INSC: variants seen among roughly 807,000 people sequenced by gnomAD.
INSC encodes protein inscuteable homolog.
INSC carries 67 observed loss-of-function variants against 58.6 expected under a neutral mutation model. The ratio of observed to expected loss-of-function variants is 1.14; its 90% CI spans 0.94 to 1.40. The LOEUF (loss-of-function observed/expected upper bound fraction) is 1.40, where lower values mean the gene tolerates loss of function less well. INSC is among the 40% of genes most tolerant of loss of function. The pLI is 0.00. For missense variants in INSC, 714 were observed against 692.0 expected (o/e 1.03, Z -0.36); for synonymous variants, 262 against 276.1 (o/e 0.95, Z 0.51).
chr11:15,144,226 G>C (rs1222709139), intron 1 of INSC, among the ~76,000 whole-genome samples: 1 of 152,140 alleles, frequency 6.6e-6, no homozygotes, highest in African/African-American at 2.4e-5. Flanking sequence ...TATGTTAGAG[G>C]CCAGAAAGAA....
intron 5 of INSC, among the ~76,000 whole-genome samples, chr11:15,180,867 T>C (rs1590408908): frequency 6.6e-6 from 1 of 152,240 alleles, no homozygotes; most frequent in Admixed American, 6.5e-5. Context: ...TTTTGGCTGA[T>C]CTTTGGCTTC....
At chr11:15,216,674 G>A (rs776005027) in intron 7 of INSC, among the ~76,000 whole-genome samples, 5 of 152,214 alleles carry the variant, frequency 3.3e-5, no homozygotes, top group African/African-American at 4.8e-5. Context: ...CTGGTTCTGG[G>A]CTGCATGACT....
At chr11:15,245,772 G>A in intron 12 of INSC, 140 bp from the exon 13 acceptor site, 1 of 1,065,428 alleles carries the variant, frequency 9.4e-7, no homozygotes, top group Admixed American at 2.3e-5. Flanking sequence ...GAGATGCCAA[G>A]TGGCTAACAT....
intron 7 of INSC, among the ~76,000 whole-genome samples, chr11:15,219,339 C>T (rs1851349276): frequency 6.6e-6 from 1 of 152,148 alleles, no homozygotes; most frequent in Non-Finnish European, 1.5e-5. Flanking sequence ...CCAACTGAGG[C>T]GTGTTCATTA....
At chr11:15,152,122 T>C (rs1848673499) in intron 2 of INSC, among the ~76,000 whole-genome samples, 1 of 152,214 alleles carries the variant, frequency 6.6e-6, no homozygotes, top group Non-Finnish European at 1.5e-5. Flanking sequence ...GGTTGAGTTA[T>C]ATGGGAACAG....
the INSC span, among the ~76,000 whole-genome samples, chr11:15,266,406 A>G: frequency 1.3e-5 from 2 of 152,138 alleles, no homozygotes; most frequent in South Asian, 4.1e-4. Flanking sequence ...CTAAATAGAG[A>G]CTTCTTGGTT....
At chr11:15,229,026 T>C (rs531468204) in intron 9 of INSC, among the ~76,000 whole-genome samples, 61 of 152,266 alleles carry the variant, frequency 4.0e-4, no homozygotes, top group African/African-American at 1.4e-3. Flanking sequence ...ATACTGCCCA[T>C]AGAATCCAGC....
At chr11:15,178,509 AAG>A (rs1849653444) in intron 5 of INSC, 62 bp downstream of exon 5, 1 of 1,567,182 alleles carries the variant, frequency 6.4e-7, no homozygotes, top group South Asian at 1.1e-5. Context: ...AAAGGAGAGA[AAG>A]AGGGGCTGAG....
intron 1 of INSC, among the ~76,000 whole-genome samples, chr11:15,146,903 C>G (rs1223351606): frequency 6.6e-6 from 1 of 152,116 alleles, no homozygotes; most frequent in Non-Finnish European, 1.5e-5. Context: ...TCAGAGTTTC[C>G]TCTAATACTC....
intron 1 of INSC, among the ~76,000 whole-genome samples, chr11:15,127,571 C>G (rs770782206): frequency 6.6e-6 from 1 of 152,202 alleles, no homozygotes; most frequent in Non-Finnish European, 1.5e-5. Context: ...TGGCAGAGGG[C>G]TTCCACATGG....
At chr11:15,269,279 A>G in the INSC span, among the ~76,000 whole-genome samples, 7 of 152,182 alleles carry the variant, frequency 4.6e-5, no homozygotes, top group South Asian at 1.5e-3. Flanking sequence ...AAAGTAGCCT[A>G]TTAAATATTC....
the INSC span, among the ~76,000 whole-genome samples, chr11:15,260,740 C>A: frequency 0.012 from 1,761 of 152,190 alleles, 42 homozygotes; most frequent in African/African-American, 0.04. Flanking sequence ...ACTTTCCCTG[C>A]CTTTGAGACA....
intron 4 of INSC, 87 bp from the exon 5 acceptor site, chr11:15,178,237 T>C (rs994126000): frequency 1.9e-6 from 3 of 1,542,154 alleles, no homozygotes; most frequent in African/African-American, 2.7e-5. Flanking sequence ...ACCAGGCTTG[T>C]AGCAGGTCCA....
At chr11:15,158,860 G>GTTTT (rs529518368) in intron 2 of INSC, among the ~76,000 whole-genome samples, 23,388 of 108,412 alleles carry the variant, frequency 0.22, 3,243 homozygotes, top group Non-Finnish European at 0.28. Context: ...ATTGTTGGTG[G>GTTTT]TTTTTTTTTT....
chr11:15,249,024 T>C (rs1852622230), downstream of INSC, among the ~76,000 whole-genome samples: 1 of 151,994 alleles, frequency 6.6e-6, no homozygotes. Context: ...GTGGGAGCCA[T>C]AAGGACTCAG....
intron 1 of INSC, among the ~76,000 whole-genome samples, chr11:15,132,237 T>G (rs1027256906): frequency 6.6e-6 from 1 of 152,198 alleles, no homozygotes; most frequent in Non-Finnish European, 1.5e-5. Context: ...TTCTATACAA[T>G]ATTTTAGATT....
intron 6 of INSC, among the ~76,000 whole-genome samples, chr11:15,192,480 T>A (rs1850216669): frequency 6.6e-6 from 1 of 152,230 alleles, no homozygotes; most frequent in Non-Finnish European, 1.5e-5. Context: ...ATATTCTATT[T>A]TGTTATGTGT....
chr11:15,176,163 G>T, intron 3 of INSC, 77 bp downstream of exon 3: 1 of 1,220,216 alleles, frequency 8.2e-7, no homozygotes, highest in Admixed American at 2.9e-5. Flanking sequence ...TGAATCATGT[G>T]GTGTCTGAAT....
intron 1 of INSC, among the ~76,000 whole-genome samples, chr11:15,145,215 T>C (rs2133736726): frequency 6.6e-6 from 1 of 152,322 alleles, no homozygotes; most frequent in Non-Finnish European, 1.5e-5. Flanking sequence ...TTAATCCTCA[T>C]GATGCTCCTG....
Sources: allele counts gnomAD v4.1 joint callset (sites outside exome capture counted in the v4.1 genomes callset), GRCh38; gene constraint gnomAD v4.1.1; transcripts MANE v1.5; gene names NCBI Gene and HGNC (gene_info 2026-07-23, HGNC 2026-07-21).